Variants in PNKD observed in about 807,000 individuals in gnomAD.
The protein encoded by PNKD is probable thioesterase PNKD.
PNKD carries 36 observed loss-of-function variants against 45.3 expected under a neutral mutation model. The ratio of observed to expected loss-of-function variants is 0.80; its 90% CI spans 0.61 to 1.05. The LOEUF is 1.05. Ranked by LOEUF, PNKD falls within the 50% of genes least tolerant of loss-of-function variation. The pLI is 0.00. For missense variants in PNKD, 511 were observed against 506.6 expected (o/e 1.01, Z -0.08); for synonymous variants, 197 against 210.1 (o/e 0.94, Z 0.54).
chr2:218,277,101 T>G, intron 2 of PNKD: 1 of 1,613,848 alleles, frequency 6.2e-7, no homozygotes, highest in South Asian at 1.1e-5. Context: ...GAAGTCCACC[T>G]GCCAGGAAGC....
At chr2:218,325,706 G>C (rs1336616996) in intron 2 of PNKD, among the ~76,000 whole-genome samples, 1 of 152,184 alleles carries the variant, frequency 6.6e-6, no homozygotes, top group African/African-American at 2.4e-5. Context: ...CAGAATGCCA[G>C]GATCACTATC....
intron 2 of PNKD, among the ~76,000 whole-genome samples, chr2:218,335,422 G>A (rs139315073): frequency 2.6e-5 from 4 of 151,758 alleles, no homozygotes; most frequent in Middle Eastern, 3.4e-3. Flanking sequence ...TGGAGGTTGC[G>A]GTGAGCCAAG....
chr2:218,315,272 G>A (rs9751327), intron 2 of PNKD, among the ~76,000 whole-genome samples: 94,032 of 151,048 alleles, frequency 0.62, 29,456 homozygotes, highest in African/African-American at 0.68. Context: ...CTCCCAAGTA[G>A]CTGGGACTAC....
intron 2 of PNKD, chr2:218,323,199 G>GGGGGCC (rs1473401396): frequency 6.5e-6 from 9 of 1,390,594 alleles, no homozygotes; most frequent in Admixed American, 6.7e-5. Flanking sequence ...GTTCCCCGCG[G>GGGGGCC]GGGGCCGGGG....
At chr2:218,337,387 C>T (rs56402738) in intron 2 of PNKD, among the ~76,000 whole-genome samples, 2,614 of 152,194 alleles carry the variant, frequency 0.017, 73 homozygotes, top group African/African-American at 0.059. Context: ...ATTCTTAATA[C>T]GTGCACATTC....
At chr2:218,329,639 C>G (rs972879031) in intron 2 of PNKD, among the ~76,000 whole-genome samples, 3 of 152,212 alleles carry the variant, frequency 2.0e-5, no homozygotes, top group Non-Finnish European at 4.4e-5. Context: ...GATGGCAGAC[C>G]CTGACCTGGG....
At chr2:218,321,194 T>C (rs893159196) in intron 2 of PNKD, among the ~76,000 whole-genome samples, 9 of 152,224 alleles carry the variant, frequency 5.9e-5, no homozygotes, top group African/African-American at 1.9e-4. Flanking sequence ...ATGCCTGATA[T>C]AGCCTTACCT....
rs75956287 is a variant in PNKD, at chr2:218,327,382, G to A, written c.237-12401G>A. Among the ~76,000 whole-genome samples the A allele has an allele frequency of 4.5e-3, 678 of 152,272 alleles. 8 individuals are homozygous for A. The highest frequency in any genetic ancestry group is 0.015 in the African/African-American group (626 of 41,530). ...CTTGAGTGAATCCTCCCAGCCCCCC[G>A]AATGAGGCCAGGTAGATGCAGTGAG... On this transcript the variant is annotated intron_variant, in intron 2 of 9. Coordinates refer to ENST00000273077, the MANE Select transcript of PNKD (RefSeq NM_015488.5).
intron 8 of PNKD, 72 bp from the exon 9 acceptor site, chr2:218,344,383 G>C: frequency 1.8e-6 from 2 of 1,136,998 alleles, no homozygotes; most frequent in African/African-American, 3.1e-5. Flanking sequence ...TGGACCTGGG[G>C]CAGGGAAGAC....
At chr2:218,323,416 T>A in intron 2 of PNKD, 1 of 1,568,906 alleles carries the variant, frequency 6.4e-7, no homozygotes, top group Non-Finnish European at 8.6e-7. Flanking sequence ...AGCCAGCGGC[T>A]GCTCTTCCGA....
chr2:218,270,639 A>G, intron 1 of PNKD, 37 bp downstream of exon 1: 3 of 620,122 alleles, frequency 4.8e-6, no homozygotes, highest in Non-Finnish European at 7.4e-6. Context: ...AGGACTGCAG[A>G]AGATCCCTTT....
intron 2 of PNKD, among the ~76,000 whole-genome samples, chr2:218,325,980 G>C (rs1167982098): frequency 6.6e-6 from 1 of 152,050 alleles, no homozygotes; most frequent in African/African-American, 2.4e-5. Context: ...TGGCTGCTGG[G>C]AGGGAAAGGA....
intron 5 of PNKD, 53 bp from the exon 6 acceptor site, chr2:218,341,481 G>C: frequency 8.4e-7 from 1 of 1,193,818 alleles, no homozygotes; most frequent in Non-Finnish European, 1.2e-6. Context: ...AAAGAAGGGG[G>C]CTTAGGTACA....
chr2:218,324,174 A>G (rs1251063807), intron 2 of PNKD, among the ~76,000 whole-genome samples: 1 of 151,978 alleles, frequency 6.6e-6, no homozygotes. Context: ...AGCACTGTTC[A>G]GCCCCAGGGA....
rs953752948 is a variant in PNKD at position 218,309,143 on chromosome 2, G to A, written c.237-30640G>A. Among the ~76,000 whole-genome samples the A allele has an allele frequency of 7.9e-5, 12 of 152,026 alleles. No individual in the cohort carries two copies. The East Asian group carries it at 2.1e-3, about 27-fold the overall frequency. On this transcript the variant is annotated intron_variant, in intron 2 of 9. Coordinates refer to ENST00000273077, the MANE Select transcript of PNKD (RefSeq NM_015488.5). ...GCCTCCCAAGTAGCTGGGACTACAG[G>A]CACCCACTACCACGTTCAGCTAATT...
At chr2:218,316,828 C>T (rs1344466820) in intron 2 of PNKD, 1 of 152,186 alleles carries the variant, frequency 6.6e-6, no homozygotes, top group Non-Finnish European at 1.5e-5. Flanking sequence ...AGTCATATGA[C>T]ACAGCAGTTT....
chr2:218,345,173 G>T lies in PNKD; in HGVS notation c.*192G>T. On this transcript the variant is annotated 3_prime_UTR_variant, in exon 10 of 10. Coordinates refer to ENST00000273077, the MANE Select transcript of PNKD (RefSeq NM_015488.5). ...GAGGCCAAAAGAAGGGGGCCTGTTG[G>T]AGGCTGGGAACCCCGCAGCGCGAGG... 1 of 602,052 alleles carries T rather than the reference G, an allele frequency of 1.7e-6. No individual in the cohort carries two copies. Among genetic ancestry groups the T allele is most frequent in the Non-Finnish European group, 2.9e-6 (1 of 341,828 alleles). 37.3% of individuals were successfully genotyped at this position (602,052 alleles called of 1,614,324 possible).
At chr2:218,275,661 C>G in intron 2 of PNKD, 1 of 1,592,576 alleles carries the variant, frequency 6.3e-7, no homozygotes. Context: ...ACTCAGGCAT[C>G]AGTGTCCAGA....
At chr2:218,282,085 G>C (rs1274431517) in intron 2 of PNKD, 1 of 1,586,638 alleles carries the variant, frequency 6.3e-7, no homozygotes, top group South Asian at 1.1e-5. Context: ...GGGGCGGAGG[G>C]CCTGGGTACA....
Sources: allele counts gnomAD v4.1 joint callset (sites outside exome capture counted in the v4.1 genomes callset), GRCh38; gene constraint gnomAD v4.1.1; transcripts MANE v1.5; gene names NCBI Gene and HGNC (gene_info 2026-07-23, HGNC 2026-07-21).